Variants in PDLIM7 observed in about 807,000 individuals in gnomAD.
PDLIM7 encodes PDZ and LIM domain protein 7.
PDLIM7 carries 37 observed loss-of-function variants against 53.9 expected under a neutral mutation model. The ratio of observed to expected loss-of-function variants is 0.69; its 90% CI spans 0.53 to 0.90. The LOEUF (loss-of-function observed/expected upper bound fraction) is 0.90, where lower values mean the gene tolerates loss of function less well. Ranked by LOEUF, PDLIM7 falls within the 40% of genes least tolerant of loss-of-function variation. The probability of loss-of-function intolerance (pLI) is 0.00; values close to 1 mark genes in which losing one functional copy is unlikely to be tolerated. For synonymous variants in PDLIM7, 300 were observed against 261.3 expected (o/e 1.15, Z -1.43); for missense variants, 617 against 638.5 (o/e 0.97, Z 0.36).
chr5:177,486,931 CTTTTTTTTTTTTTTTTTT>C lies in PDLIM7; in HGVS notation c.1050+1119_1050+1136del, dbSNP rs60583245. ...CAGGTGTGAGCCACCGTGCCTGGCCCTTTTTTTTTTTTTTTTTTTTTTTTTTTTTTTTTTTTGCTGTCT... is the reference window on the plus strand; with the variant it reads ...CAGGTGTGAGCCACCGTGCCTGGCCCTTTTTTTTTTTTTTTTTTGCTGTCT... On this transcript the variant is annotated intron_variant, in intron 10 of 12. Coordinates refer to ENST00000355841, the MANE Select transcript of PDLIM7 (RefSeq NM_005451.5). Among the ~76,000 whole-genome samples, 313 of 48,714 alleles carry C rather than the reference CTTTTTTTTTTTTTTTTTT, an allele frequency of 6.4e-3. 6 individuals are homozygous for C. Among genetic ancestry groups the C allele is most frequent in the Middle Eastern group, 0.017 (1 of 60 alleles). 32.0% of individuals were successfully genotyped at this position (48,714 alleles called of 152,430 possible).
chr5:177,495,064 C>A lies in PDLIM7; in HGVS notation c.96+1353G>T, dbSNP rs1478657814. The A allele has an allele frequency of 2.0e-5, 3 of 152,528 alleles. No individual in the cohort carries two copies. In the East Asian group the frequency reaches 5.8e-4, roughly 29 times the overall value. 9.4% of individuals were successfully genotyped at this position (152,528 alleles called of 1,614,324 possible). A position where few individuals can be genotyped will look rare whatever the true frequency, so the allele number is the denominator to read the frequency against. On this transcript the variant is annotated intron_variant, in intron 2 of 12. Transcript: ENST00000355841. Reference sequence around the variant, plus strand: ...AACAGGCCATATCTGAAAGTCATCTCCATCAGGGAAGAAACTGAGGTTCAG... The same window carrying A: ...AACAGGCCATATCTGAAAGTCATCTACATCAGGGAAGAAACTGAGGTTCAG...
At chr5:177,489,016 C>G (rs552742628) in intron 9 of PDLIM7, among the ~76,000 whole-genome samples, 23 of 152,192 alleles carry the variant, frequency 1.5e-4, no homozygotes, top group Non-Finnish European at 2.6e-4. Context: ...GGGCAGTGCA[C>G]AGAGGGAGTG....
intron 2 of PDLIM7, 80 bp from the exon 3 acceptor site, chr5:177,492,757 C>T (rs934944609): frequency 2.7e-6 from 4 of 1,476,274 alleles, no homozygotes; most frequent in African/African-American, 2.8e-5. Flanking sequence ...CACTGCCCCA[C>T]CCAAAGCTGT....
At chr5:177,490,704 AGGAGGAAGG>A in intron 7 of PDLIM7, 157 bp downstream of exon 7, 1 of 905,216 alleles carries the variant, frequency 1.1e-6, no homozygotes, top group Non-Finnish European at 1.7e-6. Context: ...GAAGGAAGGA[AGGAGGAAGG>A]GAAGGAAGGA....
intron 10 of PDLIM7, chr5:177,484,486 C>A (rs1758339023): frequency 2.7e-6 from 1 of 368,308 alleles, no homozygotes; most frequent in Non-Finnish European, 5.1e-6. Flanking sequence ...TCTGCTGCAG[C>A]CAAACACACC....
chr5:177,489,575 C>T lies in PDLIM7; in HGVS notation c.687G>A (p.Ala229=), dbSNP rs373888172. ...TSRPPWAVDP[A]FAERYAPDKT... ...TGTCCGGGGCATAGCGCTCGGCAAA[C>T]GCAGGGTCCACAGCCCAGGGCGGGC... The change falls in exon 9 of 13, where the codon GCG becomes GCA. Residue 229 remains alanine, a synonymous_variant. Transcript: ENST00000355841. 1.6e-4 allele frequency: 250 copies of T among 1,610,148 alleles called. No homozygotes were observed. The highest frequency in any genetic ancestry group is 1.9e-4 in the Non-Finnish European group (225 of 1,179,048).
intron 2 of PDLIM7, among the ~76,000 whole-genome samples, chr5:177,494,394 TGGGGAAGTGACACCCCAGA>T (rs1378307858): frequency 2.0e-5 from 3 of 152,160 alleles, no homozygotes; most frequent in African/African-American, 4.8e-5. Context: ...ATACTGTGTA[TGGGGAAGTGACACCCCAGA>T]GGGGAAGTGA....
intron 10 of PDLIM7, among the ~76,000 whole-genome samples, chr5:177,486,856 C>T (rs1203267998): frequency 6.7e-6 from 1 of 148,640 alleles, no homozygotes; most frequent in African/African-American, 2.5e-5. Context: ...TGGTCTCAAT[C>T]TCCTGACCTC....
chr5:177,487,317 G>A (rs548155015), intron 10 of PDLIM7, among the ~76,000 whole-genome samples: 55 of 152,350 alleles, frequency 3.6e-4, no homozygotes, highest in East Asian at 1.2e-3. Context: ...CCCAGCCTCC[G>A]TTGCCACTGG....
intron 10 of PDLIM7, 134 bp downstream of exon 10, chr5:177,487,934 C>G: frequency 1.3e-6 from 1 of 765,932 alleles, no homozygotes; most frequent in South Asian, 1.9e-5. Context: ...GAGGCCAGTA[C>G]AGCAGCCCAT....
In PDLIM7 at chr5:177,483,963, G is replaced by A. The variant is rs1292464214; in HGVS notation, c.1191C>T (p.Gly397=). 6.2e-7 allele frequency: 1 copy of A among 1,613,924 alleles called. No individual in the cohort carries two copies. The highest frequency in any genetic ancestry group is 8.5e-7 in the Non-Finnish European group (1 of 1,179,972). ...TGAAGTCACAGCCATGGCATTTCGT[G>A]CCAAACATCTTCTCATAGTCTGAGA... The part of the protein sequence containing the change: ...YCERDYEKMF[G]TKCHGCDFKI... Residue 397 remains glycine, a synonymous_variant, in exon 12 of 13, where the codon GGC becomes GGT. Transcript: ENST00000355841.
In PDLIM7 at chr5:177,486,575, AG is replaced by A. The variant is rs143282374; in HGVS notation, c.1050+1492del. On this transcript the variant is annotated intron_variant, in intron 10 of 12. Transcript: ENST00000355841. Reference sequence around the variant, plus strand: ...AACTTGGGCTTTGAGCTGGTGGGAGAGGGGGCTCTACCAGGGGTGTGGGCTG... The same window carrying A: ...AACTTGGGCTTTGAGCTGGTGGGAGAGGGGCTCTACCAGGGGTGTGGGCTG... Among the ~76,000 whole-genome samples the A allele has an allele frequency of 3.5e-3, 531 of 151,342 alleles. 1 individual carries two copies. The highest frequency in any genetic ancestry group is 0.012 in the African/African-American group (477 of 40,694).
At chr5:177,490,008 A>G in intron 7 of PDLIM7, 176 bp from the exon 8 acceptor site, 1 of 1,534,800 alleles carries the variant, frequency 6.5e-7, no homozygotes, top group Non-Finnish European at 8.7e-7. Flanking sequence ...AGCAATGTCC[A>G]GTTAGCTGGT....
Position 177,496,536 on chromosome 5 carries a change from A to G in PDLIM7, c.-11-13T>C, listed in dbSNP as rs1581766989. The G allele has an allele frequency of 6.4e-7, 1 of 1,553,936 alleles. No individual in the cohort carries two copies. The highest frequency in any genetic ancestry group is 2.4e-5 in the East Asian group (1 of 40,900). The stretch of plus-strand genomic sequence containing the variant: ...ATGATGCCGGCTCCTGAGAGGAGAG[A>G]AGAGAAGGTGAGTGGCCAGCATGGT... On this transcript the variant is annotated splice_polypyrimidine_tract_variant and intron_variant, in intron 1 of 12. Coordinates refer to ENST00000355841, the MANE Select transcript of PDLIM7 (RefSeq NM_005451.5).
At chr5:177,490,724 A>G (rs1298972501) in intron 7 of PDLIM7, 146 bp downstream of exon 7, 18,143 of 464,910 alleles carry the variant, frequency 0.039, 1,033 homozygotes, top group East Asian at 0.23. Flanking sequence ...GAAGGAAGGA[A>G]GGAAGGAAGG....
chr5:177,491,560 A>T, intron 5 of PDLIM7: 1 of 758,826 alleles, frequency 1.3e-6, no homozygotes, highest in South Asian at 1.6e-5. Flanking sequence ...CGACACCACA[A>T]CCCAACCCCC....
chr5:177,490,085 A>G (rs760366629), intron 7 of PDLIM7: 1 of 1,525,540 alleles, frequency 6.6e-7, no homozygotes, highest in South Asian at 1.2e-5. Context: ...GGTTCCCCTC[A>G]TGCCAGGAAG....
chr5:177,485,504 G>A (rs112814139), intron 10 of PDLIM7, among the ~76,000 whole-genome samples: 28 of 152,212 alleles, frequency 1.8e-4, no homozygotes, highest in Non-Finnish European at 2.2e-4. Flanking sequence ...TGTGAACTGG[G>A]AAGCTAATCC....
chr5:177,489,446 C>A lies in PDLIM7; in HGVS notation c.816G>T (p.Gly272=). ...VQAAAGGVPG[G]GSNNGKTPVC... is the part of the protein sequence containing the mutation. ...CGGGAGTCTTGCCGTTGTTGCTGCC[C>A]CCTCCTGGCACCCCTCCGGCAGCTG... is the stretch of plus-strand genomic sequence containing the variant. Residue 272 remains glycine (G), a synonymous_variant, in exon 9 of 13, where the codon GGG becomes GGT. Coordinates refer to ENST00000355841, the MANE Select transcript of PDLIM7 (RefSeq NM_005451.5). 6.2e-7 allele frequency: 1 copy of A among 1,603,904 alleles called. No individual in the cohort carries two copies. Among genetic ancestry groups the A allele is most frequent in the East Asian group, 2.2e-5 (1 of 44,562 alleles).
Sources: allele counts gnomAD v4.1 joint callset (sites outside exome capture counted in the v4.1 genomes callset), GRCh38; gene constraint gnomAD v4.1.1; transcripts MANE v1.5; gene names NCBI Gene and HGNC (gene_info 2026-07-23, HGNC 2026-07-21).